EEF2: variants seen among roughly 807,000 people sequenced by gnomAD.
The protein encoded by EEF2 is eukaryotic translation elongation factor 2.
In EEF2, 21 loss-of-function variants were observed where a neutral mutation model predicts 85.3. That is an observed-to-expected ratio of 0.25 (90% confidence interval 0.17 to 0.35). The LOEUF (loss-of-function observed/expected upper bound fraction) is 0.35, where lower values mean the gene tolerates loss of function less well. Among genes scored for constraint, EEF2 ranks in the 10% least tolerant of loss-of-function variants. EEF2 has a pLI of 1.00. For synonymous variants in EEF2, 723 were observed against 508.8 expected (o/e 1.42, Z -5.67); for missense variants, 825 against 1,225.3 (o/e 0.67, Z 4.88).
Position 3,977,562 on chromosome 19 carries a change from C to T in EEF2, c.2116G>A (p.Asp706Asn). The change falls in exon 13 of 15, where the codon GAC (aspartate) becomes AAC (asparagine). Residue 706 changes from aspartate to asparagine, a missense_variant. By Grantham distance (23) the Asp-to-Asn change is conservative. Coordinates refer to ENST00000309311, the MANE Select transcript of EEF2 (RefSeq NM_001961.4). This position sits in a 1 kb window ranked among gnomAD's most constrained non-coding sequence, Gnocchi z 5.4. ...ATGGCGTCGGCGTGCAGGGTGACGTCGTGGACGTCGAAGCGCACACCCCGC... is the reference window on the plus strand; with the variant it reads ...ATGGCGTCGGCGTGCAGGGTGACGTTGTGGACGTCGAAGCGCACACCCCGC... The part of the protein sequence containing the change: ...NMRGVRFDVH[D>N]VTLHADAIHR... 2 of 1,572,924 alleles carry T rather than the reference C, an allele frequency of 1.3e-6. No individual in the cohort carries two copies. Among genetic ancestry groups the T allele is most frequent in the Non-Finnish European group, 8.6e-7 (1 of 1,165,632 alleles).
chr19:3,976,951 C>CA (rs1949948035), intron 14 of EEF2, among the ~76,000 whole-genome samples: 1 of 152,248 alleles, frequency 6.6e-6, no homozygotes, highest in African/African-American at 2.4e-5. Flanking sequence ...CCCTGTGCTA[C>CA]AGCTCGGCTG....
intron 1 of EEF2, chr19:3,984,661 C>T (rs778574394): frequency 8.6e-6 from 3 of 347,898 alleles, no homozygotes; most frequent in Non-Finnish European, 1.1e-5. Context: ...GGGCCAAACA[C>T]GTAAGGGATG....
At position 3,976,426 on chromosome 19, in the gene EEF2, G is replaced by A. The variant is rs1022656533; in HGVS notation, c.*128C>T. The stretch of plus-strand genomic sequence containing the variant: ...ATGGTTGAGTGATGGCACGCAGCGG[G>A]CCCCAGAAACCTCTCAGGGGAGCGT... On this transcript the variant is annotated 3_prime_UTR_variant, in exon 15 of 15. Transcript: ENST00000309311. 2.9e-6 allele frequency: 3 copies of A among 1,022,840 alleles called. No homozygotes were observed. Among genetic ancestry groups the A allele is most frequent in the Non-Finnish European group, 2.8e-6 (2 of 712,192 alleles). The allele number at this position is 1,022,840 out of a possible 1,614,324, so 63.4% of individuals were successfully genotyped here. A position where few individuals can be genotyped will look rare whatever the true frequency, so the allele number is the denominator to read the frequency against.
intron 7 of EEF2, 97 bp downstream of exon 7, chr19:3,981,242 C>A: frequency 2.4e-6 from 3 of 1,247,214 alleles, no homozygotes; most frequent in Non-Finnish European, 3.5e-6. Context: ...CTGTCCCTGC[C>A]CAGCTGAGGA....
intron 1 of EEF2, chr19:3,984,793 C>T (rs2039798595): frequency 5.2e-6 from 1 of 192,436 alleles, no homozygotes; most frequent in Non-Finnish European, 1.1e-5. Flanking sequence ...GGCCACCCAC[C>T]CCAGGAAATA....
At chr19:3,979,542 G>A (rs772627205) in intron 10 of EEF2, 106 bp from the exon 11 acceptor site, 2 of 1,088,574 alleles carry the variant, frequency 1.8e-6, no homozygotes, top group East Asian at 4.8e-5. Flanking sequence ...CAAGATTTCA[G>A]GGAAGGTGCT....
chr19:3,980,062 T>C lies in EEF2; in HGVS notation c.1351A>G (p.Ile451Val), dbSNP rs2039726072. The C allele has an allele frequency of 1.9e-6, 3 of 1,612,562 alleles. No individual in the cohort carries two copies. Among genetic ancestry groups the C allele is most frequent in the Non-Finnish European group, 2.5e-6 (3 of 1,179,640 alleles). The change falls in exon 10 of 15, where the codon ATC (isoleucine) becomes GTC (valine). Residue 451 changes from isoleucine (I) to valine (V), a missense_variant. Coordinates refer to ENST00000309311, the MANE Select transcript of EEF2 (RefSeq NM_001961.4). The part of the protein sequence containing the change: ...DLYLKPIQRT[I>V]LMMGRYVEPI... ...TCCACGTAGCGGCCCATCATCAAGA[T>C]TGTTCTGGAAGAAGCAGAAGGCGGC...
intron 7 of EEF2, 101 bp downstream of exon 7, chr19:3,981,238 C>T: frequency 8.2e-7 from 1 of 1,225,868 alleles, no homozygotes; most frequent in Non-Finnish European, 1.2e-6. Context: ...GCAGCTGTCC[C>T]TGCCCAGCTG....
chr19:3,984,538 C>T (rs1294686388), intron 1 of EEF2, among the ~76,000 whole-genome samples, 188 bp from the exon 2 acceptor site: 2 of 152,212 alleles, frequency 1.3e-5, no homozygotes, highest in African/African-American at 4.8e-5. Flanking sequence ...CAAGGAACCA[C>T]CGTTAATAGG....
Position 3,982,980 on chromosome 19 carries a change from T to C in EEF2, c.439A>G (p.Ile147Val), listed in dbSNP as rs746784291. Reference sequence around the variant, plus strand: ...AGCACAGGCTTGATGCGCTCGGCAATGGCCTGCCGCAGCACTGTCTCCGTC... The same window carrying C: ...AGCACAGGCTTGATGCGCTCGGCAACGGCCTGCCGCAGCACTGTCTCCGTC... ...VQTETVLRQA[I>V]AERIKPVLMM... Residue 147 changes from isoleucine (I) to valine (V), a missense_variant, in exon 4 of 15, where the codon ATT (isoleucine) becomes GTT (valine). Transcript: ENST00000309311. 1.4e-5 allele frequency: 22 copies of C among 1,612,456 alleles called. No individual in the cohort carries two copies. Among genetic ancestry groups the C allele is most frequent in the African/African-American group, 2.7e-5 (2 of 74,920 alleles).
rs2230565 is a variant in EEF2, at chr19:3,976,707, C to T, written c.2424G>A (p.Ala808=). 3.7e-3 allele frequency: 5,888 copies of T among 1,603,144 alleles called. 205 individuals are homozygous for T. In the African/African-American group the frequency reaches 0.069, roughly 19 times the overall value. The change falls in exon 15 of 15, where the codon GCG becomes GCA. Residue 808 remains alanine, a synonymous_variant. Coordinates refer to ENST00000309311, the MANE Select transcript of EEF2 (RefSeq NM_001961.4). ...AGTGGTCAAACACACACTGGGGGAA[C>T]GCCTGGCCGCCCGTGTTGGACCTCA... The part of the protein sequence containing the change: ...ADLRSNTGGQ[A]FPQCVFDHWQ...
In EEF2 at chr19:3,978,821, A is replaced by T. The variant is rs150458127; in HGVS notation, c.1713+508T>A. Reference sequence around the variant, plus strand: ...CTTGTCTCAAAAAAAAAAAAAAAAAAAAAAAAAAAATAGCCCTGGGCCAGG... The same window carrying T: ...CTTGTCTCAAAAAAAAAAAAAAAAATAAAAAAAAAATAGCCCTGGGCCAGG... On this transcript the variant is annotated intron_variant, in intron 11 of 14. Coordinates refer to ENST00000309311, the MANE Select transcript of EEF2 (RefSeq NM_001961.4). Among the ~76,000 whole-genome samples, 967 of 133,146 alleles carry T rather than the reference A, an allele frequency of 7.3e-3. 21 individuals are homozygous for T. Among genetic ancestry groups the T allele is most frequent in the Middle Eastern group, 0.023 (6 of 260 alleles). 87.3% of individuals were successfully genotyped at this position (133,146 alleles called of 152,430 possible). A position where few individuals can be genotyped will look rare whatever the true frequency, so the allele number is the denominator to read the frequency against.
chr19:3,982,796 G>C lies in EEF2; in HGVS notation c.612+11C>G. 1 of 1,605,994 alleles carries C rather than the reference G, an allele frequency of 6.2e-7. No homozygotes were observed. The highest frequency in any genetic ancestry group is 8.5e-7 in the Non-Finnish European group (1 of 1,177,484). On this transcript the variant is annotated intron_variant, in intron 4 of 14. Transcript: ENST00000309311. Reference sequence around the variant, plus strand: ...GCGGCAAGCCCACCACCCAGCTAGGGAGGGCCGTACCATGATGTTGCCCAT... The same window carrying C: ...GCGGCAAGCCCACCACCCAGCTAGGCAGGGCCGTACCATGATGTTGCCCAT...
rs747163160 is a variant in EEF2 at position 3,981,317 on chromosome 19, G to A, written c.1011+22C>T. 45 of 1,609,758 alleles carry A rather than the reference G, an allele frequency of 2.8e-5. No individual in the cohort carries two copies. In the East Asian group the frequency reaches 8.5e-4, roughly 30 times the overall value. On this transcript the variant is annotated intron_variant, in intron 7 of 14. Coordinates refer to ENST00000309311, the MANE Select transcript of EEF2 (RefSeq NM_001961.4). Reference sequence around the variant, plus strand: ...CAGCAGCCTGTGTTCCCTCCACCCCGAGGGCTGGGCCCAGGCCGCACCTTC... The same window carrying A: ...CAGCAGCCTGTGTTCCCTCCACCCCAAGGGCTGGGCCCAGGCCGCACCTTC...
Position 3,983,299 on chromosome 19 carries a change from A to T in EEF2, c.219-8T>A. ...TAGAAGAGGGAGATGGCACTGATGG[A>T]GGGAGGGACTCGTCAGGGGGACAGG... On this transcript the variant is annotated splice_polypyrimidine_tract_variant and splice_region_variant and intron_variant, in intron 2 of 14. Transcript: ENST00000309311. 6.2e-7 allele frequency: 1 copy of T among 1,611,788 alleles called. No individual in the cohort carries two copies. Among genetic ancestry groups the T allele is most frequent in the Non-Finnish European group, 8.5e-7 (1 of 1,178,680 alleles).
intron 11 of EEF2, among the ~76,000 whole-genome samples, chr19:3,978,999 G>C (rs560567491): frequency 6.6e-6 from 1 of 151,610 alleles, no homozygotes; most frequent in Non-Finnish European, 1.5e-5. Flanking sequence ...GTGGTAGCAC[G>C]CGCCTGTAGT....
rs932017568 is a variant in EEF2 at position 3,984,694 on chromosome 19, C to G, written c.4-344G>C. ...ATGAATCCTCTCCTAAAGCCCCCTC[C>G]ACGTTGTCACCGGGCCACCCAAACT... On this transcript the variant is annotated intron_variant, in intron 1 of 14. Coordinates refer to ENST00000309311, the MANE Select transcript of EEF2 (RefSeq NM_001961.4). 24 of 229,774 alleles carry G rather than the reference C, an allele frequency of 1.0e-4. No homozygotes were observed. The South Asian group carries it at 1.7e-3, about 17-fold the overall frequency. 14.2% of individuals were successfully genotyped at this position (229,774 alleles called of 1,614,324 possible).
In EEF2 at chr19:3,977,907, T is replaced by A; in HGVS notation, c.1979A>T (p.Asn660Ile). 6.2e-7 allele frequency: 1 copy of A among 1,613,690 alleles called. No individual in the cohort carries two copies. Among genetic ancestry groups the A allele is most frequent in the Non-Finnish European group, 8.5e-7 (1 of 1,179,960 alleles). Residue 660 changes from asparagine to isoleucine, a missense_variant, in exon 12 of 15, where the codon AAC becomes ATC. Coordinates refer to ENST00000309311, the MANE Select transcript of EEF2 (RefSeq NM_001961.4). This position sits in a 1 kb window ranked among gnomAD's most constrained non-coding sequence, Gnocchi z 5.4. ...ACCCTTGGTGATGTCGGTGAGGATG[T>A]TGGGGCCGGTGCCGTCGGGCCCAAA... The part of the protein sequence containing the change: ...WCFGPDGTGP[N>I]ILTDITKGVQ...
rs1480515390 is a variant in EEF2, at chr19:3,982,983, C to T, written c.436G>A (p.Ala146Thr). The T allele has an allele frequency of 6.2e-7, 1 of 1,612,604 alleles. No homozygotes were observed. Among genetic ancestry groups the T allele is most frequent in the Non-Finnish European group, 8.5e-7 (1 of 1,179,956 alleles). Reference sequence around the variant, plus strand: ...ACAGGCTTGATGCGCTCGGCAATGGCCTGCCGCAGCACTGTCTCCGTCTGC... The same window carrying T: ...ACAGGCTTGATGCGCTCGGCAATGGTCTGCCGCAGCACTGTCTCCGTCTGC... ...CVQTETVLRQ[A>T]IAERIKPVLM... Residue 146 changes from alanine (A) to threonine (T), a missense_variant, in exon 4 of 15, where the codon GCC (alanine) becomes ACC (threonine). By Grantham distance (58) the Ala-to-Thr change is moderately conservative (BLOSUM62 0). Coordinates refer to ENST00000309311, the MANE Select transcript of EEF2 (RefSeq NM_001961.4).
Sources: gnomAD v4.1 joint callset for allele counts (sites outside exome capture counted in the v4.1 genomes callset) on GRCh38, gnomAD v4.1.1 for gene constraint, Gnocchi (gnomAD v3.1) non-coding constraint, MANE v1.5 for transcripts, NCBI Gene and HGNC (gene_info 2026-07-23, HGNC 2026-07-21) for gene names.